RSU1: variants seen among roughly 807,000 people sequenced by gnomAD.
The protein encoded by RSU1 is rsu-1.
Under a neutral mutation model 31.1 loss-of-function variants are expected in RSU1, and 26 were observed. The ratio of observed to expected loss-of-function variants is 0.84; its 90% CI spans 0.61 to 1.16. The LOEUF is 1.16. RSU1 is among the 50% of genes most tolerant of loss of function. RSU1 has a pLI of 0.00. For synonymous variants in RSU1, 164 were observed against 136.3 expected (o/e 1.20, Z -1.41); for missense variants, 320 against 339.1 (o/e 0.94, Z 0.44).
At chr10:16,811,009 G>A (rs568437385) in intron 2 of RSU1, among the ~76,000 whole-genome samples, 142 of 152,194 alleles carry the variant, frequency 9.3e-4, no homozygotes, top group Non-Finnish European at 1.6e-3. Flanking sequence ...GCAACAGAGT[G>A]AGACCTTGTC....
At chr10:16,797,180 C>G (rs919268671) in intron 2 of RSU1, among the ~76,000 whole-genome samples, 4 of 152,084 alleles carry the variant, frequency 2.6e-5, no homozygotes, top group African/African-American at 9.7e-5. Context: ...AGAATCAAAG[C>G]TGGATAAGAC....
intron 7 of RSU1, among the ~76,000 whole-genome samples, chr10:16,704,297 T>C (rs968348200): frequency 6.6e-6 from 1 of 152,206 alleles, no homozygotes; most frequent in African/African-American, 2.4e-5. Flanking sequence ...TTTCAGGAGC[T>C]TTGCATACAT....
chr10:16,606,422 G>T (rs567111725), intron 8 of RSU1, among the ~76,000 whole-genome samples: 16 of 152,154 alleles, frequency 1.1e-4, no homozygotes, highest in Middle Eastern at 3.4e-3. Context: ...AACTCACCAG[G>T]CCCAGCTAAA....
At chr10:16,785,439 T>TATACATATATATATAC (rs753904677) in intron 2 of RSU1, among the ~76,000 whole-genome samples, 1 of 128,382 alleles carries the variant, frequency 7.8e-6, no homozygotes, top group Non-Finnish European at 1.6e-5. Flanking sequence ...TATATATATA[T>TATACATATATATATAC]ACACATATAT....
intron 3 of RSU1, among the ~76,000 whole-genome samples, chr10:16,776,396 T>C (rs1444936693): frequency 1.3e-5 from 2 of 152,066 alleles, no homozygotes; most frequent in African/African-American, 4.8e-5. Flanking sequence ...GATAAATAAA[T>C]TATTGAAACC....
intron 8 of RSU1, among the ~76,000 whole-genome samples, chr10:16,670,547 T>G (rs1032068817): frequency 2.6e-5 from 4 of 152,144 alleles, no homozygotes; most frequent in African/African-American, 9.7e-5. Flanking sequence ...CTGGGAGGAC[T>G]TGGCCACAGG....
At chr10:16,691,881 G>A (rs992698030) in intron 8 of RSU1, among the ~76,000 whole-genome samples, 2 of 151,876 alleles carry the variant, frequency 1.3e-5, no homozygotes, top group African/African-American at 4.8e-5. Flanking sequence ...TGGGATTACA[G>A]GCACCCACCA....
intron 2 of RSU1, among the ~76,000 whole-genome samples, chr10:16,803,472 G>A (rs976303781): frequency 5.9e-5 from 9 of 152,206 alleles, no homozygotes; most frequent in Admixed American, 2.6e-4. Context: ...ATACCAGCAA[G>A]TTTATGGATA....
At chr10:16,810,472 C>A (rs1460694095) in intron 2 of RSU1, among the ~76,000 whole-genome samples, 1 of 152,044 alleles carries the variant, frequency 6.6e-6, no homozygotes, top group Non-Finnish European at 1.5e-5. Context: ...CCAGCAGCCG[C>A]CCCCCGGGCT....
chr10:16,722,654 T>C (rs200132861), intron 7 of RSU1, among the ~76,000 whole-genome samples: 3 of 152,096 alleles, frequency 2.0e-5, no homozygotes, highest in African/African-American at 4.8e-5. Flanking sequence ...TGGGTCTACA[T>C]AGCATTTACA....
intron 7 of RSU1, among the ~76,000 whole-genome samples, chr10:16,702,083 T>C (rs1818741058): frequency 6.6e-6 from 1 of 152,228 alleles, no homozygotes; most frequent in Non-Finnish European, 1.5e-5. Context: ...CTCTGGTGGA[T>C]CTGGCTCCTG....
At chr10:16,713,207 C>T (rs1278015729) in intron 7 of RSU1, among the ~76,000 whole-genome samples, 1 of 152,084 alleles carries the variant, frequency 6.6e-6, no homozygotes, top group African/African-American at 2.4e-5. Flanking sequence ...TAACTGGGGA[C>T]CTCTGAACTT....
chr10:16,674,317 G>A (rs1280307145), intron 8 of RSU1, among the ~76,000 whole-genome samples: 1 of 152,014 alleles, frequency 6.6e-6, no homozygotes, highest in African/African-American at 2.4e-5. Flanking sequence ...GATGGAAGTG[G>A]CAGTAATAAT....
intron 8 of RSU1, among the ~76,000 whole-genome samples, chr10:16,610,763 A>G (rs1008476915): frequency 2.0e-5 from 3 of 152,146 alleles, no homozygotes; most frequent in African/African-American, 7.2e-5. Flanking sequence ...CACATCCCAA[A>G]ACCATCTCCC....
intron 8 of RSU1, among the ~76,000 whole-genome samples, chr10:16,610,724 T>C (rs1290820643): frequency 6.6e-6 from 1 of 152,144 alleles, no homozygotes; most frequent in East Asian, 1.9e-4. Flanking sequence ...ATAATAGAAA[T>C]AAGGCACACT....
At chr10:16,776,007 T>C (rs537465485) in intron 3 of RSU1, among the ~76,000 whole-genome samples, 51 of 152,336 alleles carry the variant, frequency 3.3e-4, no homozygotes, top group African/African-American at 1.2e-3. Context: ...CATGGTTTAA[T>C]TTCATACAAG....
At chr10:16,725,717 C>T (rs898729619) in intron 7 of RSU1, among the ~76,000 whole-genome samples, 9 of 151,088 alleles carry the variant, frequency 6.0e-5, no homozygotes, top group African/African-American at 2.2e-4. Flanking sequence ...TGAATCTGTC[C>T]GCTCCTTGAT....
At chr10:16,666,989 A>C (rs929338491) in intron 8 of RSU1, among the ~76,000 whole-genome samples, 3 of 150,976 alleles carry the variant, frequency 2.0e-5, no homozygotes, top group African/African-American at 7.4e-5. Context: ...ACAGAGTGAG[A>C]CTCCGCATCA....
chr10:16,732,932 T>C (rs1836544161), intron 7 of RSU1, among the ~76,000 whole-genome samples: 1 of 152,164 alleles, frequency 6.6e-6, no homozygotes, highest in Non-Finnish European at 1.5e-5. Context: ...GAAGCATGGA[T>C]GGAGTTTGAT....
Sources: allele counts gnomAD v4.1 joint callset (sites outside exome capture counted in the v4.1 genomes callset), GRCh38; gene constraint gnomAD v4.1.1; transcripts MANE v1.5; gene names NCBI Gene and HGNC (gene_info 2026-07-23, HGNC 2026-07-21).